Variants in GPHN observed in about 807,000 individuals in gnomAD.
GPHN encodes gephyrin.
In GPHN, 17 loss-of-function variants were observed where a neutral mutation model predicts 95.5. The observed-to-expected ratio is 0.18, with a 90% CI of 0.12 to 0.27. GPHN has a LOEUF of 0.27. GPHN is among the 10% of genes least tolerant of loss of function. The pLI, the probability that GPHN is intolerant of heterozygous loss-of-function variation, is 1.00. For synonymous variants in GPHN, 320 were observed against 322.5 expected (o/e 0.99, Z 0.08); for missense variants, 660 against 978.1 (o/e 0.67, Z 4.34).
At chr14:66,660,121 A>T (rs1197789534) in intron 1 of GPHN, among the ~76,000 whole-genome samples, 1 of 151,572 alleles carries the variant, frequency 6.6e-6, no homozygotes, top group African/African-American at 2.4e-5. Flanking sequence ...TGTGTGTATA[A>T]AATTTTATCA....
chr14:67,212,214 T>C, the GPHN span, among the ~76,000 whole-genome samples: 1 of 152,152 alleles, frequency 6.6e-6, no homozygotes, highest in Non-Finnish European at 1.5e-5. Flanking sequence ...ACATATTAGT[T>C]GCTCAGTAAA....
intron 1 of GPHN, among the ~76,000 whole-genome samples, chr14:66,539,505 C>T (rs1027745615): frequency 2.6e-5 from 4 of 151,028 alleles, no homozygotes; most frequent in Non-Finnish European, 5.9e-5. Context: ...ACCTCCGCCT[C>T]CCGGGTTCAA....
At chr14:66,855,509 A>G (rs377086777) in intron 4 of GPHN, among the ~76,000 whole-genome samples, 2 of 152,126 alleles carry the variant, frequency 1.3e-5, no homozygotes, top group African/African-American at 4.8e-5. Context: ...TAATACCACA[A>G]TTCATTTATC....
chr14:67,014,191 C>T (rs1163474700), intron 9 of GPHN, among the ~76,000 whole-genome samples: 1 of 152,038 alleles, frequency 6.6e-6, no homozygotes, highest in Admixed American at 6.6e-5. Context: ...TAATAGCTAA[C>T]AATATATACT....
intron 9 of GPHN, among the ~76,000 whole-genome samples, chr14:67,005,237 G>T (rs934146998): frequency 2.0e-5 from 3 of 151,758 alleles, no homozygotes; most frequent in African/African-American, 4.8e-5. Flanking sequence ...AGTTGCAGCT[G>T]TCATTCTCCA....
At chr14:66,938,221 G>A (rs1331172952) in intron 8 of GPHN, among the ~76,000 whole-genome samples, 2 of 152,134 alleles carry the variant, frequency 1.3e-5, no homozygotes, top group Non-Finnish European at 2.9e-5. Flanking sequence ...GTCAAGAAAA[G>A]TTAGGAAATT....
At chr14:66,655,291 A>C (rs936605464) in intron 1 of GPHN, among the ~76,000 whole-genome samples, 8 of 152,098 alleles carry the variant, frequency 5.3e-5, no homozygotes, top group Admixed American at 5.2e-4. Flanking sequence ...TTTCACCAAC[A>C]TTTTGTAGTT....
chr14:66,578,515 A>C (rs1486896743), intron 1 of GPHN, among the ~76,000 whole-genome samples: 2 of 151,904 alleles, frequency 1.3e-5, no homozygotes, highest in African/African-American at 2.4e-5. Context: ...AATAAGACTT[A>C]GTAAAACTCT....
intron 7 of GPHN, 40 bp downstream of exon 7, chr14:66,922,978 A>G: frequency 1.3e-6 from 2 of 1,560,024 alleles, no homozygotes; most frequent in Non-Finnish European, 1.8e-6. Context: ...TAAAGGACCC[A>G]CAGGTAAATG....
the GPHN span, among the ~76,000 whole-genome samples, chr14:67,264,934 AT>A: frequency 1.7e-4 from 24 of 144,640 alleles, no homozygotes; most frequent in Non-Finnish European, 2.4e-4. Context: ...CAGGAATCAT[AT>A]TTTTTTTTTC....
At chr14:66,863,162 T>C (rs2063095587) in intron 4 of GPHN, among the ~76,000 whole-genome samples, 1 of 150,058 alleles carries the variant, frequency 6.7e-6, no homozygotes, top group Admixed American at 6.6e-5. Context: ...CAAAAATCAG[T>C]AGCATTTCTA....
At chr14:67,473,562 G>A in the GPHN span, 1 of 1,613,466 alleles carries the variant, frequency 6.2e-7, no homozygotes, top group South Asian at 1.1e-5. This position sits in a 1 kb window ranked among gnomAD's most constrained non-coding sequence, Gnocchi z 6.5. Flanking sequence ...CCAGGGCACG[G>A]CGTACTCCAG....
At chr14:67,725,673 C>T in the GPHN span, among the ~76,000 whole-genome samples, 4 of 152,326 alleles carry the variant, frequency 2.6e-5, no homozygotes, top group African/African-American at 9.6e-5. Context: ...ATCCTGGGAC[C>T]ATGTCTGGCT....
the GPHN span, among the ~76,000 whole-genome samples, chr14:67,236,854 G>A: frequency 0.019 from 2,940 of 152,028 alleles, 40 homozygotes; most frequent in Middle Eastern, 0.034. Flanking sequence ...TTGGGAGGCC[G>A]AGGTGGGCAA....
At chr14:67,305,382 C>T in the GPHN span, among the ~76,000 whole-genome samples, 8 of 152,196 alleles carry the variant, frequency 5.3e-5, no homozygotes, top group South Asian at 1.0e-3. Flanking sequence ...TGGGCTCAAG[C>T]AGTCCTCCTA....
chr14:66,876,382 C>T (rs760703982), intron 4 of GPHN, among the ~76,000 whole-genome samples: 10 of 151,704 alleles, frequency 6.6e-5, no homozygotes, highest in South Asian at 2.1e-4. Flanking sequence ...TAGCAGAAGA[C>T]GAGAAATAAC....
chr14:66,542,331 T>A (rs569205090), intron 1 of GPHN, among the ~76,000 whole-genome samples: 25 of 152,328 alleles, frequency 1.6e-4, no homozygotes, highest in Admixed American at 1.5e-3. Flanking sequence ...ATGACTTATT[T>A]AATGTTTTCT....
chr14:66,787,083 G>A (rs957088507), intron 3 of GPHN, among the ~76,000 whole-genome samples: 9 of 152,010 alleles, frequency 5.9e-5, no homozygotes, highest in African/African-American at 2.2e-4. Flanking sequence ...AACTCTCCCT[G>A]TTTGCAGACC....
At chr14:67,600,590 C>T in the GPHN span, among the ~76,000 whole-genome samples, 7 of 152,156 alleles carry the variant, frequency 4.6e-5, no homozygotes, top group African/African-American at 1.7e-4. Context: ...GAGAGCAAGA[C>T]CCTGTCTCAA....
Sources: gnomAD v4.1 joint callset for allele counts (sites outside exome capture counted in the v4.1 genomes callset) on GRCh38, gnomAD v4.1.1 for gene constraint, Gnocchi (gnomAD v3.1) non-coding constraint, MANE v1.5 for transcripts, NCBI Gene and HGNC (gene_info 2026-07-23, HGNC 2026-07-21) for gene names.